The following PHKA2 variants were observed in gnomAD, a reference collection of about 807,000 sequenced individuals.
PHKA2 encodes phosphorylase b kinase regulatory subunit alpha, liver isoform.
Under a neutral mutation model 102.0 loss-of-function variants are expected in PHKA2, and 31 were observed. The observed-to-expected ratio is 0.30, with a 90% CI of 0.23 to 0.41. The LOEUF is 0.41. PHKA2 is among the 10% of genes least tolerant of loss of function. PHKA2 has a pLI of 1.00. For synonymous variants in PHKA2, 455 were observed against 416.2 expected (o/e 1.09, Z -1.13); for missense variants, 858 against 1,023.1 (o/e 0.84, Z 2.20).
chrX:18,908,186 C>T (rs1011630947), intron 21 of PHKA2, 130 bp from the exon 22 acceptor site: 1 of 662,700 alleles, frequency 1.5e-6, no homozygotes, highest in East Asian at 3.2e-5. Flanking sequence ...GAGGGTTACG[C>T]CCGACCAAAG....
rs1442698523 is a variant in PHKA2 at position 18,984,040 on chromosome X, G to C, written c.-108C>G. The C allele has an allele frequency of 1.6e-6, 1 of 639,502 alleles. No individual in the cohort carries two copies. The highest frequency in any genetic ancestry group is 2.6e-6 in the Non-Finnish European group (1 of 385,352). 52.7% of individuals were successfully genotyped at this position (639,502 alleles called of 1,213,427 possible). A position where few individuals can be genotyped will look rare whatever the true frequency, so the allele number is the denominator to read the frequency against. On this transcript the variant is annotated 5_prime_UTR_variant, in exon 1 of 33. Coordinates refer to ENST00000379942, the MANE Select transcript of PHKA2 (RefSeq NM_000292.3). ...TTCCCGGACACTCACAGCCTTAGTC[G>C]GTTCTTGGGATGGGACCGGGCCGGA...
At chrX:18,912,535 G>A (rs2147874204) in intron 19 of PHKA2, among the ~76,000 whole-genome samples, 1 of 109,871 alleles carries the variant, frequency 9.1e-6, no homozygotes, top group South Asian at 4.0e-4. Context: ...GGGAGGCTGA[G>A]GTGAGAGGAT....
At chrX:18,916,166 G>A (rs962013738) in intron 19 of PHKA2, among the ~76,000 whole-genome samples, 2 of 112,352 alleles carry the variant, frequency 1.8e-5, no homozygotes, top group Non-Finnish European at 3.8e-5. Flanking sequence ...TGTAATCCCA[G>A]CACTTTGGGA....
chrX:18,954,933 A>G (rs1320468861), intron 1 of PHKA2, among the ~76,000 whole-genome samples: 1 of 112,214 alleles, frequency 8.9e-6, no homozygotes, highest in Non-Finnish European at 1.9e-5. Context: ...CCTAAACAGA[A>G]GGTGCCAAGC....
At chrX:18,924,699 G>A (rs920029479) in intron 15 of PHKA2, among the ~76,000 whole-genome samples, 174 bp from the exon 16 acceptor site, 1 of 112,155 alleles carries the variant, frequency 8.9e-6, no homozygotes, top group African/African-American at 3.2e-5. Flanking sequence ...AAATCAGTCT[G>A]CTGCCTGCCC....
At chrX:18,938,839 G>T in intron 9 of PHKA2, 90 bp from the exon 10 acceptor site, 1 of 860,098 alleles carries the variant, frequency 1.2e-6, no homozygotes, top group East Asian at 3.2e-5. Context: ...ATGCTTGACT[G>T]ATTTTTACAG....
intron 19 of PHKA2, among the ~76,000 whole-genome samples, chrX:18,911,714 C>T (rs1426072759): frequency 1.8e-5 from 2 of 112,681 alleles, no homozygotes; most frequent in East Asian, 5.6e-4. Flanking sequence ...ATCATGTAGC[C>T]ACCTCATGTG....
chrX:18,893,131 T>C lies in PHKA2; in HGVS notation c.*354A>G. The C allele has an allele frequency of 3.5e-6, 1 of 288,149 alleles. No individual in the cohort carries two copies. The highest frequency in any genetic ancestry group is 4.9e-5 in the Admixed American group (1 of 20,345). The allele number at this position is 288,149 out of a possible 1,213,427, so 23.7% of individuals were successfully genotyped here. On this transcript the variant is annotated 3_prime_UTR_variant, in exon 33 of 33. Coordinates refer to ENST00000379942, the MANE Select transcript of PHKA2 (RefSeq NM_000292.3). ...CATCGAAACTATTTCTGTAACTCTC[T>C]GCAAGAGCCAATTTAAGCTGGCGTC...
At chrX:18,956,196 C>T (rs960025952) in intron 1 of PHKA2, among the ~76,000 whole-genome samples, 7 of 111,152 alleles carry the variant, frequency 6.3e-5, no homozygotes, top group African/African-American at 2.0e-4. Flanking sequence ...TGGTGGTGCG[C>T]GCCTATAGTC....
chrX:18,956,095 G>A (rs757178568), intron 1 of PHKA2, among the ~76,000 whole-genome samples: 22 of 111,745 alleles, frequency 2.0e-4, no homozygotes, highest in Non-Finnish European at 3.4e-4. Flanking sequence ...AGGCTGAGGC[G>A]TGTGGATCAC....
rs201183167 is a variant in PHKA2, at chrX:18,924,425, G to A, written c.1670C>T (p.Thr557Met). 6 of 1,210,560 alleles carry A rather than the reference G, an allele frequency of 5.0e-6. No individual in the cohort carries two copies. Among genetic ancestry groups the A allele is most frequent in the African/African-American group, 1.7e-5 (1 of 57,719 alleles). Residue 557 changes from threonine (T) to methionine (M), a missense_variant, in exon 16 of 33, where the codon ACG (threonine) becomes ATG (methionine). By Grantham distance (81) the Thr-to-Met change is moderately conservative (BLOSUM62 -1). Transcript: ENST00000379942. ...LAYLCTCWRM[T>M]GRPTLTFPIS... is the part of the protein sequence containing the mutation. ...GGGGAAGGTGAGTGTGGGTCTGCCC[G>A]TCATCCTCCAGCAGGTGCACAGGTA...
intron 26 of PHKA2, among the ~76,000 whole-genome samples, chrX:18,903,640 A>T (rs923982182): frequency 8.9e-6 from 1 of 112,200 alleles, no homozygotes; most frequent in African/African-American, 3.2e-5. Flanking sequence ...TGGAGGGGGA[A>T]GTGCTAGGAA....
chrX:18,900,497 G>C (rs1194997946), intron 28 of PHKA2, among the ~76,000 whole-genome samples, 173 bp downstream of exon 28: 1 of 111,316 alleles, frequency 9.0e-6, no homozygotes, highest in Non-Finnish European at 1.9e-5. Context: ...TAAAGGCATG[G>C]GGCAAGGTCG....
At chrX:18,977,260 T>C (rs1262867311) in intron 1 of PHKA2, among the ~76,000 whole-genome samples, 1 of 111,871 alleles carries the variant, frequency 8.9e-6, no homozygotes, top group Admixed American at 9.5e-5. Flanking sequence ...CAAAAAAAAA[T>C]GTGGCATGCA....
chrX:18,940,011 T>G lies in PHKA2; in HGVS notation c.902A>C (p.Tyr301Ser). Reference protein sequence around the residue: ...YGCCRFLRDGYKTPREDPNRL... With the variant: ...YGCCRFLRDGSKTPREDPNRL... ...AAATACAACCTCTCTTGGAGTTTTA[T>G]AACCATCTCGAAGGAAGCGACAGCA... The change falls in exon 9 of 33, where the codon TAT (tyrosine) becomes TCT (serine). Residue 301 changes from tyrosine (Y) to serine (S), a missense_variant. Tyr to Ser is a moderately radical substitution (Grantham distance 144). Around this residue, in one of 2 missense-constraint regions of PHKA2, gnomAD observed 187 missense variants for 277.9 expected, o/e 0.67. Transcript: ENST00000379942. 2.5e-6 allele frequency: 3 copies of G among 1,183,974 alleles called. No homozygotes were observed. The highest frequency in any genetic ancestry group is 2.3e-6 in the Non-Finnish European group (2 of 870,041).
chrX:18,942,826 C>T (rs1264621846), intron 7 of PHKA2, among the ~76,000 whole-genome samples: 2 of 100,514 alleles, frequency 2.0e-5, no homozygotes, highest in Non-Finnish European at 3.9e-5. Context: ...CCAGCCTAGG[C>T]GATAGAGTAA....
intron 3 of PHKA2, 56 bp downstream of exon 3, chrX:18,952,438 C>T (rs370572164): frequency 7.9e-5 from 79 of 997,543 alleles, no homozygotes; most frequent in Non-Finnish European, 1.1e-4. Flanking sequence ...TTAACTGTCA[C>T]AATTACAATG....
At chrX:18,959,404 G>C (rs1387924278) in intron 1 of PHKA2, among the ~76,000 whole-genome samples, 1 of 111,835 alleles carries the variant, frequency 8.9e-6, no homozygotes, top group East Asian at 2.8e-4. Context: ...ATCTGCAAGT[G>C]AGTTCGATGT....
intron 19 of PHKA2, among the ~76,000 whole-genome samples, chrX:18,912,805 G>A (rs781722400): frequency 6.3e-5 from 7 of 111,187 alleles, no homozygotes; most frequent in Admixed American, 4.8e-4. Flanking sequence ...CAGCTACTCC[G>A]GAGGCTGAGG....
Sources: gnomAD v4.1 joint callset for allele counts (sites outside exome capture counted in the v4.1 genomes callset) on GRCh38, gnomAD v4.1.1 for gene constraint, gnomAD v4.1.1 regional missense constraint, MANE v1.5 for transcripts, NCBI Gene and HGNC (gene_info 2026-07-23, HGNC 2026-07-21) for gene names.